Variants in ADGRL3 observed in about 807,000 individuals in gnomAD.
ADGRL3 encodes adhesion G protein-coupled receptor L3.
Under a neutral mutation model 153.5 loss-of-function variants are expected in ADGRL3, and 62 were observed. That is an observed-to-expected ratio of 0.40 (90% CI 0.33 to 0.50). The LOEUF is 0.50. Among genes scored for constraint, ADGRL3 ranks in the 20% least tolerant of loss-of-function variants. The probability of loss-of-function intolerance (pLI) is 0.47; values close to 1 mark genes in which losing one functional copy is unlikely to be tolerated. For missense variants in ADGRL3, 1,641 were observed against 1,859.4 expected (o/e 0.88, Z 2.16); for synonymous variants, 710 against 672.5 (o/e 1.06, Z -0.86).
chr4:62,004,270 A>C (rs1456180293), intron 21 of ADGRL3, among the ~76,000 whole-genome samples: 3 of 152,004 alleles, frequency 2.0e-5, no homozygotes, highest in Non-Finnish European at 2.9e-5. Context: ...TAATAAATAT[A>C]TATAGCCTAC....
chr4:61,798,998 A>G (rs1169291835), intron 8 of ADGRL3, among the ~76,000 whole-genome samples: 3 of 66,224 alleles, frequency 4.5e-5, no homozygotes, highest in Non-Finnish European at 8.8e-5. Context: ...ATATATAAAC[A>G]GTATATATAT....
At chr4:62,002,027 A>G (rs1393195055) in intron 21 of ADGRL3, among the ~76,000 whole-genome samples, 3 of 151,932 alleles carry the variant, frequency 2.0e-5, no homozygotes, top group Non-Finnish European at 4.4e-5. Flanking sequence ...GCTTCTCACC[A>G]TATTCACTGC....
intron 4 of ADGRL3, among the ~76,000 whole-genome samples, chr4:61,548,096 G>A (rs1447038922): frequency 6.6e-6 from 1 of 151,992 alleles, no homozygotes; most frequent in Non-Finnish European, 1.5e-5. Context: ...TGAGAAGTCT[G>A]TTCATGTCCT....
chr4:61,219,257 T>C (rs891399279), intron 1 of ADGRL3, among the ~76,000 whole-genome samples: 3 of 152,224 alleles, frequency 2.0e-5, no homozygotes, highest in Non-Finnish European at 4.4e-5. Flanking sequence ...ACTTTGTTAC[T>C]GTTTTTTACT....
In ADGRL3 at chr4:61,200,522, C is replaced by CCGT. The variant is rs1320802587; in HGVS notation, c.-1481_-1480insTCG. On this transcript the variant is annotated 5_prime_UTR_variant, in exon 1 of 27. Transcript: ENST00000683033. ...GTGGGCGCCGCCGCCGCCGCCGCCG[C>CCGT]CGCTGCTGCTGGTTTTTCTCGGACT... 6.6e-6 allele frequency among the ~76,000 whole-genome samples: 1 copy of CCGT among 151,596 alleles called. No individual in the cohort carries two copies. Among genetic ancestry groups the CCGT allele is most frequent in the Non-Finnish European group, 1.5e-5 (1 of 67,894 alleles).
intron 6 of ADGRL3, among the ~76,000 whole-genome samples, chr4:61,702,985 T>G (rs2095795356): frequency 6.6e-6 from 1 of 152,150 alleles, no homozygotes; most frequent in African/African-American, 2.4e-5. Context: ...CACTCTAGAA[T>G]CTTGCTTGTG....
chr4:61,804,573 T>TA (rs2097533293), intron 8 of ADGRL3, among the ~76,000 whole-genome samples: 2 of 152,176 alleles, frequency 1.3e-5, no homozygotes, highest in East Asian at 3.9e-4. Context: ...ATACTGGAGA[T>TA]ATTAAAAATT....
At chr4:61,434,833 A>G (rs1488493920) in intron 2 of ADGRL3, among the ~76,000 whole-genome samples, 2 of 152,104 alleles carry the variant, frequency 1.3e-5, no homozygotes, top group African/African-American at 2.4e-5. Context: ...TATAATTTGT[A>G]AAAATTAAGA....
intron 1 of ADGRL3, among the ~76,000 whole-genome samples, chr4:61,214,178 C>A (rs1268078253): frequency 6.6e-6 from 1 of 152,092 alleles, no homozygotes; most frequent in Non-Finnish European, 1.5e-5. Context: ...GTAAAATAAT[C>A]AAAAATGCAA....
At chr4:61,462,967 G>T (rs2097841695) in intron 2 of ADGRL3, among the ~76,000 whole-genome samples, 1 of 152,098 alleles carries the variant, frequency 6.6e-6, no homozygotes, top group South Asian at 2.1e-4. Context: ...CACCTCCAAG[G>T]TCTCTGCTAG....
At chr4:61,293,933 A>G (rs1337731913) in intron 1 of ADGRL3, among the ~76,000 whole-genome samples, 1 of 152,160 alleles carries the variant, frequency 6.6e-6, no homozygotes, top group African/African-American at 2.4e-5. Flanking sequence ...TAAAATAGGT[A>G]ATGAACTTAA....
intron 1 of ADGRL3, among the ~76,000 whole-genome samples, chr4:61,236,729 A>G (rs1752997216): frequency 6.6e-6 from 1 of 152,106 alleles, no homozygotes; most frequent in Non-Finnish European, 1.5e-5. Context: ...GAAAACAGTA[A>G]ATTTCAGTAA....
At chr4:61,666,764 A>G (rs896471513) in intron 5 of ADGRL3, among the ~76,000 whole-genome samples, 4 of 152,180 alleles carry the variant, frequency 2.6e-5, no homozygotes, top group African/African-American at 9.7e-5. Context: ...GCACTTTCAG[A>G]TAATGAATTC....
rs753059212 is a variant in ADGRL3, at chr4:61,983,561, T to C, written c.3194T>C (p.Val1065Ala). ...GGGATGCCTGCACTCATTGTGGCTG[T>C]GTCAGCTGCAGTAGACTACAGGAGT... ...GYGMPALIVA[V>A]SAAVDYRSYG... The change falls in exon 19 of 27, where the codon GTG (valine) becomes GCG (alanine). Residue 1065 changes from valine to alanine, a missense_variant. Physicochemically the swap from Val to Ala is moderately conservative, Grantham distance 64 (BLOSUM62 0). Transcript: ENST00000683033. The C allele has an allele frequency of 1.2e-6, 2 of 1,613,778 alleles. No individual in the cohort carries two copies. Among genetic ancestry groups the C allele is most frequent in the Non-Finnish European group, 1.7e-6 (2 of 1,179,828 alleles).
Position 61,646,963 on chromosome 4 carries a change from G to A in ADGRL3, c.474-29863G>A, listed in dbSNP as rs185361379. ...GCGTAGGACCCTCCGAGCCAGGTGC[G>A]GATATAATCTCCTGGTGCGCCGTTT... On this transcript the variant is annotated intron_variant, in intron 5 of 26. Coordinates refer to ENST00000683033, the MANE Select transcript of ADGRL3 (RefSeq NM_001387552.1). 3.1e-3 allele frequency among the ~76,000 whole-genome samples: 471 copies of A among 152,316 alleles called. 2 individuals carry two copies. Among genetic ancestry groups the A allele is most frequent in the Non-Finnish European group, 4.3e-3 (290 of 68,032 alleles).
intron 4 of ADGRL3, among the ~76,000 whole-genome samples, chr4:61,530,433 A>G (rs2098605590): frequency 6.6e-6 from 1 of 151,906 alleles, no homozygotes; most frequent in Admixed American, 6.6e-5. Context: ...TATTTGAACT[A>G]TTTCTTTTTA....
chr4:62,007,356 T>TTATATATATATA (rs71666906), intron 21 of ADGRL3, among the ~76,000 whole-genome samples: 931 of 30,760 alleles, frequency 0.03, 44 homozygotes, highest in African/African-American at 0.046. Flanking sequence ...GACAAAATGA[T>TTATATATATATA]TATATATATA....
intron 4 of ADGRL3, among the ~76,000 whole-genome samples, chr4:61,585,163 AAGAG>A (rs147556973): frequency 6.6e-6 from 1 of 151,108 alleles, no homozygotes; most frequent in South Asian, 2.1e-4. Context: ...ACAATAAAGA[AAGAG>A]AGAGAGAGAG....
At position 62,045,995 on chromosome 4, in the gene ADGRL3, A is replaced by C. The variant is rs558840259; in HGVS notation, c.3814+1446A>C. Among the ~76,000 whole-genome samples, 8 of 152,008 alleles carry C rather than the reference A, an allele frequency of 5.3e-5. No homozygotes were observed. In the South Asian group the frequency reaches 1.2e-3, roughly 24 times the overall value. The stretch of plus-strand genomic sequence containing the variant: ...AATATGAGTATTCTAACTTTTTGAC[A>C]TTACTTTTAAATCATAAAGAACAAA... On this transcript the variant is annotated intron_variant, in intron 25 of 26. Transcript: ENST00000683033.
Sources: gnomAD v4.1 joint callset for allele counts (sites outside exome capture counted in the v4.1 genomes callset) on GRCh38, gnomAD v4.1.1 for gene constraint, MANE v1.5 for transcripts, NCBI Gene and HGNC (gene_info 2026-07-23, HGNC 2026-07-21) for gene names.